Variants in NFX1 observed in about 807,000 individuals in gnomAD.
The protein encoded by NFX1 is transcriptional repressor NF-X1.
A neutral mutation model predicts 137.2 loss-of-function variants in NFX1; 69 were observed. The observed-to-expected ratio is 0.50, with a 90% CI of 0.41 to 0.61. The LOEUF (loss-of-function observed/expected upper bound fraction) is 0.61, where lower values mean the gene tolerates loss of function less well. Among genes scored for constraint, NFX1 ranks in the 20% least tolerant of loss-of-function variants. NFX1 has a pLI of 0.00. For missense variants in NFX1, 1,167 were observed against 1,391.0 expected (o/e 0.84, Z 2.56); for synonymous variants, 495 against 474.1 (o/e 1.04, Z -0.57).
Position 33,364,728 on chromosome 9 carries a change from G to A in NFX1, c.2993G>A (p.Ser998Asn), listed in dbSNP as rs770540633. 2 of 1,613,634 alleles carry A rather than the reference G, an allele frequency of 1.2e-6. No homozygotes were observed. Among genetic ancestry groups the A allele is most frequent in the African/African-American group, 1.3e-5 (1 of 74,860 alleles). Reference sequence around the variant, plus strand: ...TTCAGGAAGGACTTAAAGTTTGTCAGTGACGTTGAGAAGGAAATGGAAACC... The same window carrying A: ...TTCAGGAAGGACTTAAAGTTTGTCAATGACGTTGAGAAGGAAATGGAAACC... The part of the protein sequence containing the change: ...EDARKDLKFV[S>N]DVEKEMETLV... The change falls in exon 21 of 24, where the codon AGT becomes AAT. Residue 998 changes from serine to asparagine, a missense_variant. This residue lies in a region of NFX1 where 312 missense variants were observed against 312.8 expected (regional missense o/e 1.00). Coordinates refer to ENST00000379540, the MANE Select transcript of NFX1 (RefSeq NM_002504.6).
rs1823450976 is a variant in NFX1 at position 33,347,133 on chromosome 9, C to T, written c.2424+16C>T. ...CAAGCATGAGGTAAGTTTTCTCTCT[C>T]AAGTGCTCATTGTTCCAGGCAGAGG... On this transcript the variant is annotated intron_variant, in intron 15 of 23. Coordinates refer to ENST00000379540, the MANE Select transcript of NFX1 (RefSeq NM_002504.6). 1 of 1,589,838 alleles carries T rather than the reference C, an allele frequency of 6.3e-7. No individual in the cohort carries two copies.
chr9:33,326,185 G>A (rs1822581141), intron 9 of NFX1, among the ~76,000 whole-genome samples: 1 of 152,058 alleles, frequency 6.6e-6, no homozygotes, highest in South Asian at 2.1e-4. Flanking sequence ...GGCCAAGGTG[G>A]GCAGATCACT....
At chr9:33,321,926 G>A (rs1005131185) in intron 9 of NFX1, among the ~76,000 whole-genome samples, 1 of 151,296 alleles carries the variant, frequency 6.6e-6, no homozygotes, top group African/African-American at 2.4e-5. Flanking sequence ...GAGGCTGGGT[G>A]CAGTGGTTCA....
intron 9 of NFX1, 76 bp downstream of exon 9, chr9:33,319,203 A>T (rs1822292106): frequency 4.1e-6 from 5 of 1,225,296 alleles, no homozygotes; most frequent in Non-Finnish European, 5.9e-6. Context: ...TAAGCAATGT[A>T]GAAGTAAGTG....
At position 33,364,092 on chromosome 9, in the gene NFX1, T is replaced by C; in HGVS notation, c.2956T>C (p.Leu986=). 3.1e-6 allele frequency: 5 copies of C among 1,603,794 alleles called. No homozygotes were observed. Among genetic ancestry groups the C allele is most frequent in the Non-Finnish European group, 4.3e-6 (5 of 1,176,088 alleles). Residue 986 remains leucine, a synonymous_variant, in exon 20 of 24, where the codon TTG becomes CTG. Coordinates refer to ENST00000379540, the MANE Select transcript of NFX1 (RefSeq NM_002504.6). ...RSSGSKFSDS[L]KEDARKDLKF... is the part of the protein sequence containing the mutation. ...TTCAGGGTCAAAATTCAGTGATAGT[T>C]TGAAAGAAGATGCCAGGTATGTAAC... is the stretch of plus-strand genomic sequence containing the variant.
chr9:33,310,513 C>T (rs552662952), intron 5 of NFX1, among the ~76,000 whole-genome samples: 1 of 152,242 alleles, frequency 6.6e-6, no homozygotes, highest in East Asian at 1.9e-4. Flanking sequence ...CTAATTCTGA[C>T]CTATAGCATA....
intron 19 of NFX1, among the ~76,000 whole-genome samples, chr9:33,358,480 A>G (rs1490491715): frequency 6.6e-6 from 1 of 151,632 alleles, no homozygotes; most frequent in Non-Finnish European, 1.5e-5. Context: ...TGTTTTGTTT[A>G]TTTTGTTTTT....
intron 15 of NFX1, among the ~76,000 whole-genome samples, chr9:33,351,317 G>A (rs1311728008): frequency 6.6e-6 from 1 of 151,988 alleles, no homozygotes; most frequent in East Asian, 1.9e-4. Flanking sequence ...AAAATTAGCT[G>A]GGCGTGGTGG....
At chr9:33,338,660 G>A (rs1250590331) in intron 12 of NFX1, 71 bp downstream of exon 12, 21 of 1,360,262 alleles carry the variant, frequency 1.5e-5, no homozygotes, top group Non-Finnish European at 2.1e-5. Flanking sequence ...CCTGAGCCAT[G>A]TGGAGAATGC....
intron 10 of NFX1, among the ~76,000 whole-genome samples, chr9:33,329,189 C>T (rs1822707988): frequency 1.3e-5 from 2 of 152,202 alleles, no homozygotes; most frequent in African/African-American, 4.8e-5. Context: ...TTCATTTGTC[C>T]TTTCCCTGTG....
intron 16 of NFX1, 86 bp from the exon 17 acceptor site, chr9:33,352,560 G>A: frequency 8.5e-7 from 1 of 1,181,982 alleles, no homozygotes; most frequent in African/African-American, 1.5e-5. Context: ...CTCTGCTATG[G>A]TTTAAGAGAG....
At position 33,354,099 on chromosome 9, in the gene NFX1, T is replaced by C. The variant is rs189659275; in HGVS notation, c.2743T>C (p.Ser915Pro). ...SSTYQRIAAISMASKITDMQL... is the reference protein window; with the variant it reads ...SSTYQRIAAIPMASKITDMQL... ...TTTATATTTCAGAATAGCTGCAATC[T>C]CCATGGCCTCTAAGATAACAGACAT... is the stretch of plus-strand genomic sequence containing the variant. The change falls in exon 18 of 24, where the codon TCC becomes CCC. Residue 915 changes from serine (S) to proline (P), a missense_variant. Around this residue, in one of 3 missense-constraint regions of NFX1, gnomAD observed 312 missense variants for 312.8 expected, o/e 1.00. Coordinates refer to ENST00000379540, the MANE Select transcript of NFX1 (RefSeq NM_002504.6). 6 of 1,610,880 alleles carry C rather than the reference T, an allele frequency of 3.7e-6. No homozygotes were observed. Among genetic ancestry groups the C allele is most frequent in the Non-Finnish European group, 5.1e-6 (6 of 1,178,880 alleles).
chr9:33,325,786 G>A (rs1270458976), intron 9 of NFX1, among the ~76,000 whole-genome samples: 1 of 152,162 alleles, frequency 6.6e-6, no homozygotes, highest in Non-Finnish European at 1.5e-5. Flanking sequence ...CTTACAGTAA[G>A]TACTAAAAGA....
intron 19 of NFX1, among the ~76,000 whole-genome samples, chr9:33,362,637 G>A (rs190872550): frequency 6.6e-6 from 1 of 150,754 alleles, no homozygotes; most frequent in Non-Finnish European, 1.5e-5. Flanking sequence ...AGGTTGAGGA[G>A]AGGTTGGTCA....
Position 33,352,560 on chromosome 9 carries a change from G to C in NFX1, c.2656-86G>C, listed in dbSNP as rs912777466. On this transcript the variant is annotated intron_variant, in intron 16 of 23. Transcript: ENST00000379540. ...CACTGACTCTCTAGTCTCTGCTATGGTTTAAGAGAGGATTTAAGAGTGAAA... is the reference window on the plus strand; with the variant it reads ...CACTGACTCTCTAGTCTCTGCTATGCTTTAAGAGAGGATTTAAGAGTGAAA... The C allele has an allele frequency of 4.2e-6, 5 of 1,181,864 alleles. No individual in the cohort carries two copies. In the African/African-American group the frequency reaches 6.0e-5, roughly 14 times the overall value. 73.2% of individuals were successfully genotyped at this position (1,181,864 alleles called of 1,614,324 possible).
At position 33,303,202 on chromosome 9, in the gene NFX1, G is replaced by A. The variant is rs1564104576; in HGVS notation, c.1204G>A (p.Gly402Ser). The A allele has an allele frequency of 6.2e-7, 1 of 1,613,940 alleles. No homozygotes were observed. The highest frequency in any genetic ancestry group is 1.3e-5 in the African/African-American group (1 of 74,888). ...SPASQADGQS[G>S]WRCPACQNVS... ...ATTTTTCCTGACAGATGGCCAGAGT[G>A]GTTGGAGGTGCCCTGCCTGTCAGAA... Residue 402 changes from glycine to serine, a missense_variant, in exon 4 of 24, where the codon GGT (glycine) becomes AGT (serine). This residue lies in a region of NFX1 where 488 missense variants were observed against 691.5 expected (regional missense o/e 0.71). Coordinates refer to ENST00000379540, the MANE Select transcript of NFX1 (RefSeq NM_002504.6).
At chr9:33,364,805 C>A in intron 21 of NFX1, 31 bp downstream of exon 21, 1 of 1,612,352 alleles carries the variant, frequency 6.2e-7, no homozygotes, top group Non-Finnish European at 8.5e-7. Flanking sequence ...CTGGACATTT[C>A]TCTAAGGCCA....
At chr9:33,308,981 T>C (rs1447006706) in intron 5 of NFX1, among the ~76,000 whole-genome samples, 1 of 152,208 alleles carries the variant, frequency 6.6e-6, no homozygotes, top group East Asian at 1.9e-4. Flanking sequence ...TCATTCCCTT[T>C]GACTGCTCGC....
chr9:33,355,734 T>A (rs979651277), intron 19 of NFX1, among the ~76,000 whole-genome samples: 1 of 147,076 alleles, frequency 6.8e-6, no homozygotes, highest in African/African-American at 2.5e-5. Flanking sequence ...CACCTCTGCC[T>A]CCCGGGTTCA....
Sources: allele counts gnomAD v4.1 joint callset (sites outside exome capture counted in the v4.1 genomes callset), GRCh38; gene constraint gnomAD v4.1.1; regional missense constraint gnomAD v4.1.1; transcripts MANE v1.5; gene names NCBI Gene and HGNC (gene_info 2026-07-23, HGNC 2026-07-21).